SLC39A12: variants seen among roughly 807,000 people sequenced by gnomAD.
SLC39A12 encodes the protein zinc transporter ZIP12.
Under a neutral mutation model 71.1 loss-of-function variants are expected in SLC39A12, and 63 were observed. The observed-to-expected ratio is 0.89, with a 90% CI of 0.72 to 1.09. SLC39A12 has a LOEUF of 1.09. Among genes scored for constraint, SLC39A12 ranks in the 50% least tolerant of loss-of-function variants. The pLI is 0.00. For synonymous variants in SLC39A12, 351 were observed against 301.3 expected, an observed-to-expected ratio of 1.16 and a Z score of -1.71; for missense variants, 892 against 812.6, an observed-to-expected ratio of 1.10 and a Z score of -1.19.
At chr10:18,034,971 T>G (rs1484123713) in intron 12 of SLC39A12, among the ~76,000 whole-genome samples, 1 of 151,880 alleles carries the variant, frequency 6.6e-6, no homozygotes, top group Non-Finnish European at 1.5e-5. Flanking sequence ...TGTTGAATAT[T>G]GGCCCCCACT....
chr10:18,012,224 CA>C (rs1473431872), intron 12 of SLC39A12, among the ~76,000 whole-genome samples: 4 of 151,686 alleles, frequency 2.6e-5, no homozygotes, highest in African/African-American at 9.7e-5. Context: ...AAAGGACAAC[CA>C]AAAAAATGAA....
intron 12 of SLC39A12, among the ~76,000 whole-genome samples, chr10:18,036,792 ATATTT>A (rs1837058081): frequency 2.4e-5 from 2 of 84,650 alleles, no homozygotes; most frequent in Non-Finnish European, 4.3e-5. Flanking sequence ...ATATATATAT[ATATTT>A]TTTTTTTTAA....
intron 12 of SLC39A12, among the ~76,000 whole-genome samples, chr10:18,031,252 A>G (rs1836840452): frequency 1.4e-5 from 2 of 144,458 alleles, no homozygotes; most frequent in African/African-American, 5.1e-5. Flanking sequence ...GAACTAGTTT[A>G]CAGTCCCACC....
chr10:17,971,221 G>A (rs187037344), intron 4 of SLC39A12, among the ~76,000 whole-genome samples: 1,792 of 141,776 alleles, frequency 0.013, 37 homozygotes, highest in African/African-American at 0.04. Flanking sequence ...ATTTTGTTGA[G>A]GATTTTTGCA....
intron 11 of SLC39A12, 73 bp from the exon 12 acceptor site, chr10:18,003,098 A>T: frequency 1.4e-6 from 2 of 1,388,464 alleles, no homozygotes; most frequent in Non-Finnish European, 2.0e-6. Flanking sequence ...CGAAATAGCT[A>T]ATAGTGCGTT....
chr10:18,036,781 TATA>T (rs1837051853), intron 12 of SLC39A12, among the ~76,000 whole-genome samples: 3 of 14,178 alleles, frequency 2.1e-4, no homozygotes, highest in African/African-American at 5.6e-4. Context: ...TATATATATA[TATA>T]TATATATATA....
intron 12 of SLC39A12, among the ~76,000 whole-genome samples, chr10:18,038,120 G>T (rs1038708343): frequency 4.8e-5 from 7 of 144,782 alleles, no homozygotes; most frequent in African/African-American, 1.3e-4. Context: ...ACAGGAGCCT[G>T]TTGCAACTCC....
At chr10:18,034,834 G>A (rs1041746762) in intron 12 of SLC39A12, among the ~76,000 whole-genome samples, 1 of 148,970 alleles carries the variant, frequency 6.7e-6, no homozygotes, top group Non-Finnish European at 1.5e-5. Flanking sequence ...CTCTTTTAGG[G>A]CAGGCCTGGT....
chr10:17,952,911 G>A (rs1015222194), intron 1 of SLC39A12, among the ~76,000 whole-genome samples: 2 of 152,132 alleles, frequency 1.3e-5, no homozygotes, highest in Admixed American at 6.5e-5. Context: ...CCCAACCTGG[G>A]TCCTATAACT....
chr10:18,018,660 G>C (rs1402621121), intron 12 of SLC39A12, among the ~76,000 whole-genome samples: 1 of 152,120 alleles, frequency 6.6e-6, no homozygotes, highest in Admixed American at 6.5e-5. Context: ...TTCTTTAGCT[G>C]TTGATGTGAT....
At chr10:18,012,272 A>G (rs573330124) in intron 12 of SLC39A12, among the ~76,000 whole-genome samples, 3 of 152,240 alleles carry the variant, frequency 2.0e-5, no homozygotes, top group Non-Finnish European at 4.4e-5. Context: ...GATAGCCATA[A>G]CCAAACTTTT....
At chr10:17,986,654 A>C (rs985709177) in intron 6 of SLC39A12, among the ~76,000 whole-genome samples, 2 of 152,248 alleles carry the variant, frequency 1.3e-5, no homozygotes, top group African/African-American at 4.8e-5. Flanking sequence ...ACAAACATTT[A>C]GACCATAGCA....
At chr10:17,988,232 C>T (rs533489703) in intron 7 of SLC39A12, among the ~76,000 whole-genome samples, 10 of 152,236 alleles carry the variant, frequency 6.6e-5, no homozygotes, top group Admixed American at 2.0e-4. Context: ...CGCTTGAACT[C>T]GAGAGGCGAA....
chr10:18,037,873 A>T (rs1397996449), intron 12 of SLC39A12, among the ~76,000 whole-genome samples: 1 of 151,914 alleles, frequency 6.6e-6, no homozygotes, highest in Non-Finnish European at 1.5e-5. Context: ...ACAAAAAATT[A>T]GCCAGGCATG....
At chr10:17,955,891 C>CA (rs1474955681) in intron 2 of SLC39A12, among the ~76,000 whole-genome samples, 9 of 152,128 alleles carry the variant, frequency 5.9e-5, no homozygotes, top group African/African-American at 1.9e-4. Flanking sequence ...TAAATAACTC[C>CA]AAAACAATAC....
intron 12 of SLC39A12, among the ~76,000 whole-genome samples, chr10:18,023,764 G>A (rs1490321588): frequency 2.0e-5 from 3 of 152,176 alleles, no homozygotes; most frequent in African/African-American, 7.2e-5. Flanking sequence ...GCATGGCTGA[G>A]ATTCTAGGTT....
At chr10:17,972,133 TA>T (rs1834990259) in intron 4 of SLC39A12, among the ~76,000 whole-genome samples, 1 of 152,232 alleles carries the variant, frequency 6.6e-6, no homozygotes, top group African/African-American at 2.4e-5. Flanking sequence ...TATATTTGCA[TA>T]GTTTTCAAAA....
intron 7 of SLC39A12, among the ~76,000 whole-genome samples, 181 bp downstream of exon 7, chr10:17,987,832 G>T (rs2437271): frequency 0.23 from 35,129 of 152,062 alleles, 5,036 homozygotes; most frequent in Admixed American, 0.36. Context: ...GAGAAGAGAT[G>T]CCCCAACATT....
In SLC39A12 at chr10:18,036,787, TATATA is replaced by T. The variant is rs1256955806; in HGVS notation, c.1948-5917_1948-5913del. Among the ~76,000 whole-genome samples, 113 of 12,590 alleles carry T rather than the reference TATATA, an allele frequency of 9.0e-3. 8 individuals carry two copies. The highest frequency in any genetic ancestry group is 0.016 in the African/African-American group (47 of 2,970). 8.3% of individuals were successfully genotyped at this position (12,590 alleles called of 152,430 possible). ...ATATATATATATATATATATATATA[TATATA>T]TATTTTTTTTTTTAATGGAATCTCA... is the stretch of plus-strand genomic sequence containing the variant. On this transcript the variant is annotated intron_variant, in intron 12 of 12. Transcript: ENST00000377369.
Sources: gnomAD v4.1 joint callset for allele counts (sites outside exome capture counted in the v4.1 genomes callset) on GRCh38, gnomAD v4.1.1 for gene constraint, MANE v1.5 for transcripts, NCBI Gene and HGNC (gene_info 2026-07-23, HGNC 2026-07-21) for gene names.